The following GPBP1 variants were observed in gnomAD, a reference collection of about 807,000 sequenced individuals.
The protein encoded by GPBP1 is vasculin.
Under a neutral mutation model 56.5 loss-of-function variants are expected in GPBP1, and 13 were observed. The observed-to-expected ratio is 0.23, with a 90% confidence interval of 0.15 to 0.37. The LOEUF is 0.37. Ranked by LOEUF, GPBP1 falls within the 10% of genes least tolerant of loss-of-function variation. GPBP1 has a pLI of 1.00. For missense variants in GPBP1, 477 were observed against 572.3 expected, an observed-to-expected ratio of 0.83 and a Z score of 1.70; for synonymous variants, 204 against 188.9, an observed-to-expected ratio of 1.08 and a Z score of -0.66.
At chr5:57,251,737 T>C (rs1233826342) in intron 10 of GPBP1, among the ~76,000 whole-genome samples, 11 of 152,306 alleles carry the variant, frequency 7.2e-5, no homozygotes, top group African/African-American at 2.2e-4. Flanking sequence ...ATGATAGTTG[T>C]GTTTCACATT....
chr5:57,206,375 G>C (rs62355726), intron 2 of GPBP1, among the ~76,000 whole-genome samples: 3,204 of 152,010 alleles, frequency 0.021, 60 homozygotes, highest in Middle Eastern at 0.048. Context: ...TTTATATTTA[G>C]GTCTGTGATT....
chr5:57,181,448 A>AC (rs397739533), intron 2 of GPBP1, among the ~76,000 whole-genome samples: 1 of 151,364 alleles, frequency 6.6e-6, no homozygotes, highest in Non-Finnish European at 1.5e-5. Flanking sequence ...AAAAAAAAAA[A>AC]GAACCTCTGA....
In GPBP1 at chr5:57,179,004, A is replaced by G. The variant is rs575982644; in HGVS notation, c.-58+2604A>G. Among the ~76,000 whole-genome samples, 5 of 152,272 alleles carry G rather than the reference A, an allele frequency of 3.3e-5. No homozygotes were observed. The South Asian group carries it at 1.0e-3, about 32-fold the overall frequency. ...TTAATCCCGTGAGGAAAGTACTATT[A>G]TAGTCACTGTGGTACTGATGAGAAA... On this transcript the variant is annotated intron_variant, in intron 2 of 11. Transcript: ENST00000506184.
intron 6 of GPBP1, 40 bp from the exon 7 acceptor site, chr5:57,246,260 G>T: frequency 6.6e-7 from 1 of 1,518,928 alleles, no homozygotes; most frequent in Non-Finnish European, 9.0e-7. Context: ...ACTAAAACTT[G>T]AAATTGTGAG....
At chr5:57,221,435 A>G in intron 3 of GPBP1, 1 of 1,302,878 alleles carries the variant, frequency 7.7e-7, no homozygotes, top group Non-Finnish European at 1.1e-6. Context: ...GATATTGAAA[A>G]ATTTAGATAA....
intron 10 of GPBP1, among the ~76,000 whole-genome samples, chr5:57,255,248 C>T (rs1306395361): frequency 6.6e-6 from 1 of 152,118 alleles, no homozygotes. Context: ...CCCTCTTCCT[C>T]TCTTTCCTTT....
intron 1 of GPBP1, among the ~76,000 whole-genome samples, chr5:57,175,002 TTCTC>T (rs1235975207): frequency 6.6e-6 from 1 of 152,216 alleles, no homozygotes; most frequent in Non-Finnish European, 1.5e-5. Context: ...GGGAGCCTCT[TTCTC>T]TTTACACTTA....
rs75770188 is a variant in GPBP1 at position 57,259,050 on chromosome 5, C to T, written c.1161-2130C>T. 6.0e-3 allele frequency among the ~76,000 whole-genome samples: 907 copies of T among 152,232 alleles called. 7 individuals carry two copies. Among genetic ancestry groups the T allele is most frequent in the Middle Eastern group, 0.034 (10 of 294 alleles). On this transcript the variant is annotated intron_variant, in intron 10 of 11. Coordinates refer to ENST00000506184, the MANE Select transcript of GPBP1 (RefSeq NM_022913.4). ...GGTAAAAGTGAATGGAAATGCTATTCCAAAAGGAGGCCATCCAGATTAAAG... is the reference window on the plus strand; with the variant it reads ...GGTAAAAGTGAATGGAAATGCTATTTCAAAAGGAGGCCATCCAGATTAAAG...
At position 57,214,293 on chromosome 5, in the gene GPBP1, A is replaced by T. The variant is rs1302898826; in HGVS notation, c.63+100A>T. On this transcript the variant is annotated intron_variant, in intron 3 of 11. Transcript: ENST00000506184. ...AGGAGTAATAATATCTTTGCAGAGA[A>T]GTACATTTGTGGCTGGGCGCGGTGG... is the stretch of plus-strand genomic sequence containing the variant. 2.7e-6 allele frequency: 3 copies of T among 1,104,750 alleles called. No individual in the cohort carries two copies. The East Asian group carries it at 7.2e-5, about 26-fold the overall frequency. 68.4% of individuals were successfully genotyped at this position (1,104,750 alleles called of 1,614,324 possible). A position where few individuals can be genotyped will look rare whatever the true frequency, so the allele number is the denominator to read the frequency against.
At chr5:57,248,575 G>T (rs1382373834) in intron 8 of GPBP1, among the ~76,000 whole-genome samples, 1 of 152,004 alleles carries the variant, frequency 6.6e-6, no homozygotes, top group Non-Finnish European at 1.5e-5. Context: ...CTACAGGCTG[G>T]GCATGTAGCC....
At chr5:57,243,211 C>T (rs1046661188) in intron 6 of GPBP1, among the ~76,000 whole-genome samples, 6 of 149,082 alleles carry the variant, frequency 4.0e-5, no homozygotes, top group South Asian at 4.3e-4. Flanking sequence ...GGATTACAGG[C>T]GCCTGCCACC....
chr5:57,230,807 AG>A (rs777419119), intron 3 of GPBP1, 38 bp from the exon 4 acceptor site: 22 of 1,542,182 alleles, frequency 1.4e-5, no homozygotes, highest in Non-Finnish European at 1.9e-5. Context: ...AGTTATATTT[AG>A]GTTTCATAAA....
At chr5:57,175,020 C>A (rs1366472149) in intron 1 of GPBP1, among the ~76,000 whole-genome samples, 1 of 152,212 alleles carries the variant, frequency 6.6e-6, no homozygotes, top group East Asian at 1.9e-4. Flanking sequence ...ACACTTATCT[C>A]TGAGTTACAT....
intron 2 of GPBP1, among the ~76,000 whole-genome samples, chr5:57,208,655 C>CTTTTTTTTTTT (rs70999065): frequency 2.5e-5 from 3 of 119,072 alleles, no homozygotes; most frequent in East Asian, 2.3e-4. Flanking sequence ...TTTTGTTTTT[C>CTTTTTTTTTTT]TTTTTTTTTT....
intron 3 of GPBP1, among the ~76,000 whole-genome samples, chr5:57,221,834 A>T (rs1755970571): frequency 6.6e-6 from 1 of 152,192 alleles, no homozygotes; most frequent in Non-Finnish European, 1.5e-5. Context: ...AGGATCAGAA[A>T]ATTCAGCCAG....
chr5:57,187,514 A>G (rs961190673), intron 2 of GPBP1, among the ~76,000 whole-genome samples: 14 of 152,166 alleles, frequency 9.2e-5, no homozygotes, highest in Non-Finnish European at 1.8e-4. Context: ...GCAAAAATGT[A>G]AGATTCCTCT....
intron 2 of GPBP1, among the ~76,000 whole-genome samples, chr5:57,212,734 A>G (rs574366054): frequency 6.8e-4 from 94 of 138,476 alleles, no homozygotes; most frequent in African/African-American, 2.2e-3. Context: ...CAGTGGCTCT[A>G]TTTCGGCTCA....
intron 2 of GPBP1, among the ~76,000 whole-genome samples, chr5:57,177,348 C>T (rs1003934785): frequency 6.6e-6 from 1 of 151,746 alleles, no homozygotes; most frequent in Non-Finnish European, 1.5e-5. Context: ...TAAAGAGATA[C>T]ACTAAAATTT....
intron 10 of GPBP1, among the ~76,000 whole-genome samples, chr5:57,252,744 T>C (rs964924382): frequency 6.6e-6 from 1 of 150,886 alleles, no homozygotes; most frequent in Admixed American, 6.6e-5. Context: ...CAGGTCTTGC[T>C]CTGTTGCCCA....
Sources: gnomAD v4.1 joint callset for allele counts (sites outside exome capture counted in the v4.1 genomes callset) on GRCh38, gnomAD v4.1.1 for gene constraint, MANE v1.5 for transcripts, NCBI Gene and HGNC (gene_info 2026-07-23, HGNC 2026-07-21) for gene names.